Variants in TRAPPC6A observed in about 807,000 individuals in gnomAD.
TRAPPC6A encodes the protein TRAPP complex subunit 6A.
A neutral mutation model predicts 20.8 loss-of-function variants in TRAPPC6A; 25 were observed. The observed-to-expected ratio is 1.20, with a 90% CI of 0.88 to 1.68. The LOEUF (loss-of-function observed/expected upper bound fraction) is 1.68, where lower values mean the gene tolerates loss of function less well. Among genes scored for constraint, TRAPPC6A ranks in the 40% most tolerant of loss-of-function variants. The probability of loss-of-function intolerance (pLI) is 0.00; values close to 1 mark genes in which losing one functional copy is unlikely to be tolerated. For missense variants in TRAPPC6A, 215 were observed against 211.6 expected, an observed-to-expected ratio of 1.02 and a Z score of -0.10; for synonymous variants, 96 against 93.3, an observed-to-expected ratio of 1.03 and a Z score of -0.16.
intron 1 of TRAPPC6A, among the ~76,000 whole-genome samples, chr19:45,166,640 C>A (rs139756504): frequency 2.8e-4 from 43 of 151,870 alleles, no homozygotes; most frequent in Non-Finnish European, 1.5e-5. Flanking sequence ...TCAGAGAAAG[C>A]CTGGCAGAGC....
At position 45,164,857 on chromosome 19, in the gene TRAPPC6A, T is replaced by A; in HGVS notation, c.266A>T (p.His89Leu). ...QKQMDSLRTN[H>L]QGTYVLQDNS... ...GGCAGGCCGGGGTGCTCCCACCTGG[T>A]GATTGGTGCGCAGGCTGTCCATCTG... Residue 89 changes from histidine to leucine, a missense_variant, in exon 3 of 6, where the codon CAC becomes CTC. Transcript: ENST00000585934. 6.2e-7 allele frequency: 1 copy of A among 1,613,840 alleles called. No individual in the cohort carries two copies.
At chr19:45,171,028 G>A (rs1385022485) in intron 1 of TRAPPC6A, among the ~76,000 whole-genome samples, 2 of 152,226 alleles carry the variant, frequency 1.3e-5, no homozygotes, top group African/African-American at 2.4e-5. Flanking sequence ...GGGGCTGGGC[G>A]CGGGGGCTCT....
intron 3 of TRAPPC6A, 126 bp from the exon 4 acceptor site, chr19:45,164,373 G>A (rs1969095724): frequency 3.0e-6 from 2 of 663,876 alleles, no homozygotes; most frequent in Admixed American, 5.9e-5. Context: ...GAGAACCACT[G>A]GAGTCACAGC....
At chr19:45,164,096 T>A in intron 4 of TRAPPC6A, 68 bp downstream of exon 4, 1 of 1,553,762 alleles carries the variant, frequency 6.4e-7, no homozygotes, top group Non-Finnish European at 8.7e-7. Flanking sequence ...GGGAAAGGCC[T>A]GATGTGGGAT....
chr19:45,178,095 T>C (rs1281483320), intron 1 of TRAPPC6A, 40 bp downstream of exon 1: 2 of 1,612,388 alleles, frequency 1.2e-6, no homozygotes, highest in Non-Finnish European at 1.7e-6. Flanking sequence ...GGCGTTACCT[T>C]GGTGGCCCCC....
intron 1 of TRAPPC6A, among the ~76,000 whole-genome samples, chr19:45,177,831 C>T (rs1161692759): frequency 6.6e-6 from 1 of 152,156 alleles, no homozygotes; most frequent in African/African-American, 2.4e-5. Context: ...GGGTCGCACA[C>T]CTAGTAAGTG....
chr19:45,177,914 G>A (rs1380226641), intron 1 of TRAPPC6A, among the ~76,000 whole-genome samples: 1 of 152,192 alleles, frequency 6.6e-6, no homozygotes, highest in Admixed American at 6.5e-5. Flanking sequence ...CAGGCCTTGA[G>A]CTAAGTGCTT....
At chr19:45,165,618 G>C (rs765526645) in intron 1 of TRAPPC6A, among the ~76,000 whole-genome samples, 1 of 152,230 alleles carries the variant, frequency 6.6e-6, no homozygotes, top group Non-Finnish European at 1.5e-5. Flanking sequence ...CCTGCCCAAG[G>C]GCTGGAGGCT....
intron 1 of TRAPPC6A, among the ~76,000 whole-genome samples, chr19:45,168,880 C>T (rs374071414): frequency 2.6e-5 from 4 of 152,096 alleles, no homozygotes; most frequent in South Asian, 2.1e-4. Flanking sequence ...AGGTGAGGAG[C>T]GCTGGGAATG....
In TRAPPC6A at chr19:45,164,230, T is replaced by A. The variant is rs1328327854; in HGVS notation, c.288A>T (p.Gln96His). 1 of 1,607,396 alleles carries A rather than the reference T, an allele frequency of 6.2e-7. No homozygotes were observed. Among genetic ancestry groups the A allele is most frequent in the South Asian group, 1.1e-5 (1 of 89,922 alleles). The part of the protein sequence containing the change: ...RTNHQGTYVL[Q>H]DNSFPLLLPM... ...GGAGGAGGAGGGGGAAGCTGTTGTC[T>A]TGCAGGACGTAGGTCCCCTGGGGGA... is the stretch of plus-strand genomic sequence containing the variant. Residue 96 changes from glutamine to histidine, a missense_variant, in exon 4 of 6, where the codon CAA becomes CAT. By Grantham distance (24) the Gln-to-His change is conservative (BLOSUM62 0). Coordinates refer to ENST00000585934, the MANE Select transcript of TRAPPC6A (RefSeq NM_001270891.2).
At chr19:45,176,892 G>A (rs1016930889) in intron 1 of TRAPPC6A, among the ~76,000 whole-genome samples, 2 of 151,628 alleles carry the variant, frequency 1.3e-5, no homozygotes, top group African/African-American at 2.4e-5. Flanking sequence ...AAATTGGCCG[G>A]GTGCAGTGGC....
In TRAPPC6A at chr19:45,172,398, G is replaced by GC. The variant is rs797019163; in HGVS notation, c.84+5736dup. 4.0e-5 allele frequency among the ~76,000 whole-genome samples: 6 copies of GC among 151,718 alleles called. No individual in the cohort carries two copies. Among genetic ancestry groups the GC allele is most frequent in the African/African-American group, 1.5e-4 (6 of 41,020 alleles). On this transcript the variant is annotated intron_variant, in intron 1 of 5. Coordinates refer to ENST00000585934, the MANE Select transcript of TRAPPC6A (RefSeq NM_001270891.2). The surrounding 1 kb of genome is among the most constrained non-coding windows in gnomAD (Gnocchi z 4.2). ...CCACCCCTTCCTGTCTCTTGTGTCT[G>GC]CCCTACCCCTCGATTGTTCTCTAGG...
chr19:45,164,074 C>T (rs1034027316), intron 4 of TRAPPC6A, 65 bp from the exon 5 acceptor site: 4 of 1,548,532 alleles, frequency 2.6e-6, no homozygotes, highest in African/African-American at 1.4e-5. Flanking sequence ...TCTGGGGCAC[C>T]CCTTAGGCCT....
chr19:45,177,184 C>T (rs574985727), intron 1 of TRAPPC6A, among the ~76,000 whole-genome samples: 2 of 119,934 alleles, frequency 1.7e-5, no homozygotes, highest in South Asian at 5.5e-4. Flanking sequence ...GCAGGATGCG[C>T]GTGCGCGCAC....
rs533763688 is a variant in TRAPPC6A, at chr19:45,167,687, T to C, written c.85-2493A>G. Among the ~76,000 whole-genome samples, 198 of 152,320 alleles carry C rather than the reference T, an allele frequency of 1.3e-3. 1 individual carries two copies. Among genetic ancestry groups the C allele is most frequent in the African/African-American group, 4.4e-3 (181 of 41,578 alleles). On this transcript the variant is annotated intron_variant, in intron 1 of 5. Transcript: ENST00000585934. ...AGTAGAGACAGGGTTTCTTCTCTTT[T>C]GGCCAGGCGGGTCTCGAACTCCCAA... is the stretch of plus-strand genomic sequence containing the variant.
chr19:45,164,593 G>T lies in TRAPPC6A; in HGVS notation c.270+260C>A, dbSNP rs546404135. 2.0e-4 allele frequency: 115 copies of T among 586,044 alleles called. 1 individual carries two copies. The highest frequency in any genetic ancestry group is 7.2e-4 in the Admixed American group (24 of 33,488). 36.3% of individuals were successfully genotyped at this position (586,044 alleles called of 1,614,324 possible). A position where few individuals can be genotyped will look rare whatever the true frequency, so the allele number is the denominator to read the frequency against. On this transcript the variant is annotated intron_variant, in intron 3 of 5. Transcript: ENST00000585934. The stretch of plus-strand genomic sequence containing the variant: ...ACAAGCAGCATCACACTGGGGGTAG[G>T]GCAGGCAGCCACCAGGGGCTTTCTG...
Position 45,172,230 on chromosome 19 carries a change from T to C in TRAPPC6A, c.84+5905A>G, listed in dbSNP as rs2122849969. Among the ~76,000 whole-genome samples the C allele has an allele frequency of 6.6e-6, 1 of 151,876 alleles. No homozygotes were observed. Among genetic ancestry groups the C allele is most frequent in the South Asian group, 2.1e-4 (1 of 4,832 alleles). On this transcript the variant is annotated intron_variant, in intron 1 of 5. Coordinates refer to ENST00000585934, the MANE Select transcript of TRAPPC6A (RefSeq NM_001270891.2). This position sits in a 1 kb window ranked among gnomAD's most constrained non-coding sequence, Gnocchi z 4.2. ...ACAGAGATGAAGGAGCCACCATCCC[T>C]GTCCTCAAGGAGCTCTGAAGCTGGT...
chr19:45,170,625 G>A (rs578040167), intron 1 of TRAPPC6A, among the ~76,000 whole-genome samples: 10 of 152,340 alleles, frequency 6.6e-5, no homozygotes, highest in South Asian at 2.1e-4. Context: ...TCTCGGCCCC[G>A]CCACTCACTG....
At chr19:45,176,496 C>A (rs1010938586) in intron 1 of TRAPPC6A, among the ~76,000 whole-genome samples, 1 of 151,872 alleles carries the variant, frequency 6.6e-6, no homozygotes, top group Non-Finnish European at 1.5e-5. Context: ...ATAAAAATTT[C>A]TTTTAGAGGT....
Sources: allele counts gnomAD v4.1 joint callset (sites outside exome capture counted in the v4.1 genomes callset), GRCh38; gene constraint gnomAD v4.1.1; non-coding constraint Gnocchi (gnomAD v3.1); transcripts MANE v1.5; gene names NCBI Gene and HGNC (gene_info 2026-07-23, HGNC 2026-07-21).